PLXNC1: variants seen among roughly 807,000 people sequenced by gnomAD.
PLXNC1 encodes plexin-C1.
PLXNC1 carries 75 observed loss-of-function variants against 178.2 expected under a neutral mutation model. The observed-to-expected ratio is 0.42, with a 90% CI of 0.35 to 0.51. The LOEUF (loss-of-function observed/expected upper bound fraction) is 0.51. Among genes scored for constraint, PLXNC1 ranks in the 20% least tolerant of loss-of-function variants. The probability of loss-of-function intolerance (pLI) is 0.02; values close to 1 mark genes in which losing one functional copy is unlikely to be tolerated. For synonymous variants in PLXNC1, 790 were observed against 779.9 expected (o/e 1.01, Z -0.22); for missense variants, 1,503 against 1,984.4 (o/e 0.76, Z 4.61).
intron 6 of PLXNC1, among the ~76,000 whole-genome samples, chr12:94,223,981 T>C (rs184758327): frequency 9.7e-4 from 148 of 152,286 alleles, no homozygotes; most frequent in African/African-American, 3.4e-3. Flanking sequence ...TAGTGATTAT[T>C]CATGGGAGGC....
intron 20 of PLXNC1, among the ~76,000 whole-genome samples, chr12:94,262,328 C>T (rs568538600): frequency 6.6e-6 from 1 of 152,368 alleles, no homozygotes; most frequent in African/African-American, 2.4e-5. Context: ...CATCTGTTTT[C>T]AATCCACCAA....
chr12:94,260,947 A>G lies in PLXNC1; in HGVS notation c.3450+107A>G. The G allele has an allele frequency of 2.2e-6, 2 of 925,928 alleles. No homozygotes were observed. Among genetic ancestry groups the G allele is most frequent in the Non-Finnish European group, 1.7e-6 (1 of 585,992 alleles). The allele number at this position is 925,928 out of a possible 1,614,324, so 57.4% of individuals were successfully genotyped here. Reference sequence around the variant, plus strand: ...TAAATCCTGAATGCTCGATGGTGTCAGCACTTAACCATGTTTCGTCTTGGT... The same window carrying G: ...TAAATCCTGAATGCTCGATGGTGTCGGCACTTAACCATGTTTCGTCTTGGT... On this transcript the variant is annotated intron_variant, in intron 20 of 30. Transcript: ENST00000258526. This position sits in a 1 kb window ranked among gnomAD's most constrained non-coding sequence, Gnocchi z 4.4.
At chr12:94,277,390 G>A (rs543025063) in intron 21 of PLXNC1, among the ~76,000 whole-genome samples, 1 of 152,278 alleles carries the variant, frequency 6.6e-6, no homozygotes, top group Non-Finnish European at 1.5e-5. Context: ...CAGCATTAAA[G>A]ACAAGAAACA....
chr12:94,166,163 A>G (rs1961599356), intron 1 of PLXNC1, among the ~76,000 whole-genome samples: 1 of 152,108 alleles, frequency 6.6e-6, no homozygotes, highest in African/African-American at 2.4e-5. Context: ...AATAACTGCC[A>G]TGGGTGTGGC....
chr12:94,149,000 C>CGCGCCCCCCGCGCCCCGCA lies in PLXNC1; in HGVS notation c.35_53dup (p.Leu19ProfsTer175), dbSNP rs1485998896. On this transcript the variant is annotated frameshift_variant, in exon 1 of 31. Transcript: ENST00000258526. LOFTEE classifies it high-confidence loss of function. This position sits in a 1 kb window ranked among gnomAD's most constrained non-coding sequence, Gnocchi z 4.8. ...GAGGTCTCCCGGAGGAAGGCGCCGC[C>CGCGCCCCCCGCGCCCCGCA]GCGCCCCCCGCGCCCCGCAGCGCCA... 1 of 1,455,964 alleles carries CGCGCCCCCCGCGCCCCGCA rather than the reference C, an allele frequency of 6.9e-7. No individual in the cohort carries two copies. The highest frequency in any genetic ancestry group is 2.5e-5 in the Admixed American group (1 of 39,444). 90.2% of individuals were successfully genotyped at this position (1,455,964 alleles called of 1,614,324 possible).
At chr12:94,206,806 A>T (rs1024719831) in intron 4 of PLXNC1, among the ~76,000 whole-genome samples, 1 of 152,218 alleles carries the variant, frequency 6.6e-6, no homozygotes, top group Non-Finnish European at 1.5e-5. Context: ...AAATGAAGCC[A>T]TTAAGATATC....
At chr12:94,187,192 G>GAAA (rs3037610) in intron 4 of PLXNC1, among the ~76,000 whole-genome samples, 43,120 of 148,262 alleles carry the variant, frequency 0.29, 7,509 homozygotes, top group South Asian at 0.45. Flanking sequence ...GAGAGAGAGA[G>GAAA]AAAAAAAAAC....
chr12:94,172,227 A>G (rs1463143671), intron 2 of PLXNC1, among the ~76,000 whole-genome samples: 1 of 152,220 alleles, frequency 6.6e-6, no homozygotes, highest in Non-Finnish European at 1.5e-5. Context: ...GGAGGAGAAG[A>G]AAGAGGGCTT....
intron 21 of PLXNC1, among the ~76,000 whole-genome samples, chr12:94,274,155 TAA>T (rs3060881): frequency 0.029 from 1,311 of 45,196 alleles, 7 homozygotes; most frequent in Non-Finnish European, 0.034. Flanking sequence ...ACCCTGTCTC[TAA>T]AAAAAAAAAA....
Position 94,149,056 on chromosome 12 carries a change from G to T in PLXNC1, c.85G>T (p.Ala29Ser). 4 of 1,541,254 alleles carry T rather than the reference G, an allele frequency of 2.6e-6. No individual in the cohort carries two copies. Among genetic ancestry groups the T allele is most frequent in the Non-Finnish European group, 2.6e-6 (3 of 1,152,270 alleles). ...CCTGCTCGCCTATCTGCTGGCACTG[G>T]CGGCTCCCGGCCGGGGCGCGGACGA... ...LPLLAYLLAL[A>S]APGRGADEPV... Residue 29 changes from alanine to serine, a missense_variant, in exon 1 of 31, where the codon GCG becomes TCG. Physicochemically the swap from Ala to Ser is moderately conservative, Grantham distance 99 (BLOSUM62 1). Transcript: ENST00000258526.
chr12:94,202,639 G>A (rs913500133), intron 4 of PLXNC1, among the ~76,000 whole-genome samples: 4 of 152,250 alleles, frequency 2.6e-5, no homozygotes, highest in Admixed American at 6.5e-5. Context: ...GCCCAGGCAC[G>A]TTCAGGGCAG....
At chr12:94,208,105 G>A (rs1463480222) in intron 4 of PLXNC1, among the ~76,000 whole-genome samples, 2 of 152,192 alleles carry the variant, frequency 1.3e-5, no homozygotes, top group East Asian at 1.9e-4. Flanking sequence ...ACATTGACAG[G>A]CGGTTTAATT....
chr12:94,247,782 A>G (rs1163833204), intron 12 of PLXNC1, 121 bp from the exon 13 acceptor site: 8 of 832,922 alleles, frequency 9.6e-6, no homozygotes, highest in African/African-American at 5.1e-5. Flanking sequence ...TGCTGTCTCC[A>G]TATTACACAT....
In PLXNC1 at chr12:94,220,079, G is replaced by T. The variant is rs534165402; in HGVS notation, c.1618G>T (p.Asp540Tyr). 5 of 1,613,740 alleles carry T rather than the reference G, an allele frequency of 3.1e-6. No individual in the cohort carries two copies. In the East Asian group the frequency reaches 8.9e-5, roughly 29 times the overall value. The change falls in exon 6 of 31, where the codon GAC (aspartate) becomes TAC (tyrosine). Residue 540 changes from aspartate (D) to tyrosine (Y), a missense_variant. Asp to Tyr is a radical substitution (Grantham distance 160). This residue lies in a region of PLXNC1 where 615 missense variants were observed against 698.6 expected (regional missense o/e 0.88). Transcript: ENST00000258526. ...CTCAAAGTGCATGGTGAAGAATGTG[G>T]ACTCTAGCAGGGAGCTCTGCCAGAA... ...RHSKCMVKNV[D>Y]SSRELCQNKS...
Position 94,169,190 on chromosome 12 carries a change from C to T in PLXNC1, c.1100C>T (p.Ala367Val). Reference sequence around the variant, plus strand: ...CAACCTGAAAGAGTCCAACCAATCGCATCATCTACCTTGATCCATTCCGAC... The same window carrying T: ...CAACCTGAAAGAGTCCAACCAATCGTATCATCTACCTTGATCCATTCCGAC... ...GDQPERVQPI[A>V]SSTLIHSDLT... The change falls in exon 2 of 31, where the codon GCA becomes GTA. Residue 367 changes from alanine to valine, a missense_variant. This residue lies in a region of PLXNC1 where 615 missense variants were observed against 698.6 expected (regional missense o/e 0.88). Coordinates refer to ENST00000258526, the MANE Select transcript of PLXNC1 (RefSeq NM_005761.3). 1 of 1,613,794 alleles carries T rather than the reference C, an allele frequency of 6.2e-7. No individual in the cohort carries two copies. Among genetic ancestry groups the T allele is most frequent in the Non-Finnish European group, 8.5e-7 (1 of 1,179,724 alleles).
chr12:94,250,860 A>T (rs983212879), intron 14 of PLXNC1, among the ~76,000 whole-genome samples: 1 of 151,844 alleles, frequency 6.6e-6, no homozygotes, highest in African/African-American at 2.4e-5. Flanking sequence ...CTCTACAAAA[A>T]ATTTAAAAAT....
chr12:94,223,894 C>G (rs887560810), intron 6 of PLXNC1, among the ~76,000 whole-genome samples: 1 of 152,106 alleles, frequency 6.6e-6, no homozygotes, highest in Admixed American at 6.5e-5. Flanking sequence ...TGTTCTTATG[C>G]CTTGGCCAAT....
At chr12:94,205,125 G>T (rs1435827997) in intron 4 of PLXNC1, among the ~76,000 whole-genome samples, 2 of 152,106 alleles carry the variant, frequency 1.3e-5, no homozygotes, top group African/African-American at 4.8e-5. Flanking sequence ...AACAGAGTTG[G>T]CTTCTCAAGG....
intron 1 of PLXNC1, among the ~76,000 whole-genome samples, chr12:94,161,377 A>G (rs147263940): frequency 6.6e-5 from 10 of 152,304 alleles, no homozygotes; most frequent in Middle Eastern, 6.8e-3. Flanking sequence ...ATGGGTGGGT[A>G]GAGAAAGCTC....
Sources: gnomAD v4.1 joint callset for allele counts (sites outside exome capture counted in the v4.1 genomes callset) on GRCh38, gnomAD v4.1.1 for gene constraint, gnomAD v4.1.1 regional missense constraint, Gnocchi (gnomAD v3.1) non-coding constraint, MANE v1.5 for transcripts, NCBI Gene and HGNC (gene_info 2026-07-23, HGNC 2026-07-21) for gene names.